FRMD1: variants seen among roughly 807,000 people sequenced by gnomAD.
FRMD1 encodes FERM domain containing 1, also known as FERM domain-containing protein 1.
A neutral mutation model predicts 54.9 loss-of-function variants in FRMD1; 51 were observed. The ratio of observed to expected loss-of-function variants is 0.93; its 90% CI spans 0.74 to 1.17. The LOEUF (loss-of-function observed/expected upper bound fraction) is 1.17. Ranked by LOEUF, FRMD1 falls within the 50% of genes most tolerant of loss-of-function variation. The pLI is 0.00. For synonymous variants in FRMD1, 324 were observed against 306.4 expected (o/e 1.06, Z -0.60); for missense variants, 729 against 743.0 (o/e 0.98, Z 0.22).
chr6:168,079,038 C>G lies in FRMD1; in HGVS notation c.57G>C (p.Thr19=). ...TACATCGCGCCCCTGAAGGAGGGAA[C>G]GTGTCAGGGTTTGTCCGGGCGGGGT... ...GIDPARTNPD[T]FPPSGARCME... The change falls in exon 1 of 11, where the codon ACG becomes ACC. Residue 19 remains threonine (T), a synonymous_variant. Coordinates refer to ENST00000283309, the MANE Select transcript of FRMD1 (RefSeq NM_024919.6). 1 of 1,611,380 alleles carries G rather than the reference C, an allele frequency of 6.2e-7. No homozygotes were observed. Among genetic ancestry groups the G allele is most frequent in the Middle Eastern group, 1.7e-4 (1 of 6,058 alleles).
chr6:168,085,229 C>T (rs370955900), upstream of FRMD1, among the ~76,000 whole-genome samples: 27 of 152,362 alleles, frequency 1.8e-4, no homozygotes, highest in East Asian at 3.1e-3. Context: ...ACCTGAGGGC[C>T]TGTGGGGAGC....
rs1258710310 is a variant in FRMD1 at position 168,054,409 on chromosome 6, G to A, written c.*2688C>T. ...GGCCTGCTCCTTGGGGGTCCACAGG[G>A]ACTGGGACAGGTGGTTTTCTTTTCC... On this transcript the variant is annotated 3_prime_UTR_variant, in exon 11 of 11. Transcript: ENST00000283309. The A allele has an allele frequency of 6.6e-6, 1 of 152,468 alleles. No homozygotes were observed. Among genetic ancestry groups the A allele is most frequent in the South Asian group, 2.1e-4 (1 of 4,842 alleles). 9.4% of individuals were successfully genotyped at this position (152,468 alleles called of 1,614,324 possible). A position where few individuals can be genotyped will look rare whatever the true frequency, so the allele number is the denominator to read the frequency against.
chr6:168,065,363 G>A, intron 4 of FRMD1: 1 of 1,175,710 alleles, frequency 8.5e-7, no homozygotes. Context: ...CCCAGTGCAG[G>A]AGAGGTGCAC....
chr6:168,065,064 G>T lies in FRMD1; in HGVS notation c.462-7C>A. 6.3e-7 allele frequency: 1 copy of T among 1,596,238 alleles called. No individual in the cohort carries two copies. The highest frequency in any genetic ancestry group is 2.2e-5 in the East Asian group (1 of 44,526). ...GTGCCGTGCCCTGTGGTCGCTGGAA[G>T]GTGGCAGGGAGTGAGTTCCAGGACG... is the stretch of plus-strand genomic sequence containing the variant. On this transcript the variant is annotated splice_polypyrimidine_tract_variant and splice_region_variant and intron_variant, in intron 4 of 10. Transcript: ENST00000283309.
At chr6:168,090,939 G>T (rs890413803) in intron 1 of FRMD1, among the ~76,000 whole-genome samples, 1 of 152,124 alleles carries the variant, frequency 6.6e-6, no homozygotes, top group African/African-American at 2.4e-5. Context: ...CTTGCCCACC[G>T]ATCCAGGCCA....
intron 2 of FRMD1, among the ~76,000 whole-genome samples, chr6:168,069,965 C>A (rs1181014000): frequency 6.6e-6 from 1 of 152,122 alleles, no homozygotes; most frequent in Admixed American, 6.5e-5. Context: ...TGGCTCATGC[C>A]TGTAATCCCA....
At chr6:168,091,016 C>G (rs536237960) in intron 1 of FRMD1, among the ~76,000 whole-genome samples, 1 of 152,362 alleles carries the variant, frequency 6.6e-6, no homozygotes, top group South Asian at 2.1e-4. Context: ...CGGCTCCGCT[C>G]TCTGCCCTGG....
chr6:168,062,617 T>A (rs1029777473), intron 7 of FRMD1: 2 of 1,498,862 alleles, frequency 1.3e-6, no homozygotes, highest in Non-Finnish European at 1.8e-6. Flanking sequence ...GCCCCGAGGA[T>A]GAAGCTGCAT....
intron 2 of FRMD1, 40 bp downstream of exon 2, chr6:168,075,205 C>T: frequency 5.7e-6 from 9 of 1,576,080 alleles, no homozygotes; most frequent in Non-Finnish European, 7.8e-6. Flanking sequence ...CAGATGCGGC[C>T]CCTGGGCATT....
At position 168,063,771 on chromosome 6, in the gene FRMD1, G is replaced by A. The variant is rs771406095; in HGVS notation, c.649-15C>T. On this transcript the variant is annotated splice_polypyrimidine_tract_variant and intron_variant, in intron 5 of 10. Coordinates refer to ENST00000283309, the MANE Select transcript of FRMD1 (RefSeq NM_024919.6). Reference sequence around the variant, plus strand: ...TTGGTGATGATCTGAGGACAGAGCCGGGAGGTCAGCTCAGACCCCTGCTGG... The same window carrying A: ...TTGGTGATGATCTGAGGACAGAGCCAGGAGGTCAGCTCAGACCCCTGCTGG... The A allele has an allele frequency of 2.9e-5, 46 of 1,603,844 alleles. No individual in the cohort carries two copies. Among genetic ancestry groups the A allele is most frequent in the Admixed American group, 5.1e-5 (3 of 59,202 alleles).
intron 3 of FRMD1, 171 bp downstream of exon 3, chr6:168,067,196 C>A: frequency 1.5e-6 from 1 of 665,844 alleles, no homozygotes; most frequent in African/African-American, 1.8e-5. Context: ...TCTCCCACCC[C>A]ACGCATCCCA....
upstream of FRMD1, among the ~76,000 whole-genome samples, chr6:168,079,567 C>A (rs1374570403): frequency 6.6e-6 from 1 of 152,116 alleles, no homozygotes; most frequent in Non-Finnish European, 1.5e-5. Context: ...ACGAGGAGGG[C>A]GGGAGGAAGG....
intron 1 of FRMD1, among the ~76,000 whole-genome samples, chr6:168,090,009 C>T (rs576204669): frequency 1.1e-3 from 174 of 152,254 alleles, no homozygotes; most frequent in African/African-American, 3.8e-3. Flanking sequence ...CTGTAGGATG[C>T]GGGACTCAGT....
rs182485649 is a variant in FRMD1 at position 168,078,651 on chromosome 6, C to T, written c.213+231G>A. On this transcript the variant is annotated intron_variant, in intron 1 of 10. Coordinates refer to ENST00000283309, the MANE Select transcript of FRMD1 (RefSeq NM_024919.6). Reference sequence around the variant, plus strand: ...CCACAGCCTTGCTCACCCCCACGGCCACCCAGGGCCCTGCTCACCCCCATG... The same window carrying T: ...CCACAGCCTTGCTCACCCCCACGGCTACCCAGGGCCCTGCTCACCCCCATG... Among the ~76,000 whole-genome samples the T allele has an allele frequency of 3.4e-4, 46 of 133,738 alleles. 2 individuals carry two copies. In the East Asian group the frequency reaches 7.9e-3, roughly 23 times the overall value. The allele number at this position is 133,738 out of a possible 152,430, so 87.7% of individuals were successfully genotyped here.
chr6:168,056,018 C>A lies in FRMD1; in HGVS notation c.*1079G>T, dbSNP rs1432969460. 6.6e-6 allele frequency: 1 copy of A among 152,340 alleles called. No homozygotes were observed. Among genetic ancestry groups the A allele is most frequent in the African/African-American group, 2.4e-5 (1 of 41,470 alleles). The allele number at this position is 152,340 out of a possible 1,614,324, so 9.4% of individuals were successfully genotyped here. On this transcript the variant is annotated 3_prime_UTR_variant, in exon 11 of 11. Transcript: ENST00000283309. ...CACCACACACAGACAGTGAAGGGGGCAGTGGTGTTCAGGGCACAGGGCTGA... is the reference window on the plus strand; with the variant it reads ...CACCACACACAGACAGTGAAGGGGGAAGTGGTGTTCAGGGCACAGGGCTGA...
intron 2 of FRMD1, among the ~76,000 whole-genome samples, chr6:168,068,901 C>T (rs1042754381): frequency 1.2e-4 from 18 of 152,248 alleles, no homozygotes; most frequent in African/African-American, 3.6e-4. Flanking sequence ...CCTGGCTCAG[C>T]CCCTCTCTGC....
intron 2 of FRMD1, among the ~76,000 whole-genome samples, chr6:168,071,882 G>A (rs1200066604): frequency 3.9e-5 from 6 of 152,206 alleles, no homozygotes; most frequent in Non-Finnish European, 1.5e-5. Context: ...CCCTCATCCT[G>A]TGCTGACCTT....
intron 1 of FRMD1, among the ~76,000 whole-genome samples, chr6:168,076,293 A>G (rs974285389): frequency 6.6e-6 from 1 of 152,210 alleles, no homozygotes; most frequent in Non-Finnish European, 1.5e-5. Flanking sequence ...GCGATTCTTC[A>G]TTTGCATGTT....
intron 1 of FRMD1, among the ~76,000 whole-genome samples, chr6:168,076,872 C>T (rs192246565): frequency 7.2e-5 from 11 of 152,368 alleles, no homozygotes; most frequent in African/African-American, 2.6e-4. Context: ...GGGTTCCTGT[C>T]TAACTGCAGA....
Sources: allele counts gnomAD v4.1 joint callset (sites outside exome capture counted in the v4.1 genomes callset), GRCh38; gene constraint gnomAD v4.1.1; transcripts MANE v1.5; gene names NCBI Gene and HGNC (gene_info 2026-07-23, HGNC 2026-07-21).